Variants in LRRC4C observed in about 807,000 individuals in gnomAD.
The protein encoded by LRRC4C is leucine rich repeat containing 4C.
A neutral mutation model predicts 33.6 loss-of-function variants in LRRC4C; 5 were observed. That is an observed-to-expected ratio of 0.15 (90% CI 0.08 to 0.31). The LOEUF (loss-of-function observed/expected upper bound fraction) is 0.31, where lower values mean the gene tolerates loss of function less well. Among genes scored for constraint, LRRC4C ranks in the 10% least tolerant of loss-of-function variants. LRRC4C has a pLI of 1.00. For missense variants in LRRC4C, 560 were observed against 796.7 expected (o/e 0.70, Z 3.58); for synonymous variants, 329 against 302.0 (o/e 1.09, Z -0.93).
chr11:41,448,464 C>A (rs113151882), intron 1 of LRRC4C, among the ~76,000 whole-genome samples: 3 of 151,728 alleles, frequency 2.0e-5, no homozygotes, highest in Admixed American at 6.6e-5. Flanking sequence ...TGCCACCATG[C>A]CTGGCTAATT....
intron 1 of LRRC4C, among the ~76,000 whole-genome samples, chr11:40,964,025 G>GT (rs555115509): frequency 2.4e-4 from 36 of 149,894 alleles, no homozygotes; most frequent in South Asian, 4.2e-4. Context: ...TCTATGCCTT[G>GT]TTTTTTTTTC....
At chr11:41,054,252 G>A (rs1858457258) in intron 1 of LRRC4C, among the ~76,000 whole-genome samples, 1 of 152,142 alleles carries the variant, frequency 6.6e-6, no homozygotes, top group Admixed American at 6.5e-5. Context: ...TTATATCTAT[G>A]AAGTGAATAG....
chr11:40,152,940 C>T (rs1353839836), intron 5 of LRRC4C, among the ~76,000 whole-genome samples: 1 of 152,154 alleles, frequency 6.6e-6, no homozygotes, highest in African/African-American at 2.4e-5. Flanking sequence ...ACTACCACAG[C>T]TGCTGCTTTC....
In LRRC4C at chr11:40,844,143, C is replaced by T. The variant is rs1171627157; in HGVS notation, c.-407+89492G>A. ...GTAGATGGTTGTACCTTTAAAAATA[C>T]AGCAATTGAACTAGTTTACAGTCAT... On this transcript the variant is annotated intron_variant, in intron 2 of 6. Transcript: ENST00000528697. Among the ~76,000 whole-genome samples, 5 of 151,320 alleles carry T rather than the reference C, an allele frequency of 3.3e-5. No individual in the cohort carries two copies. In the East Asian group the frequency reaches 9.8e-4, roughly 30 times the overall value.
At chr11:41,201,585 G>C (rs1426070968) in intron 1 of LRRC4C, among the ~76,000 whole-genome samples, 1 of 152,132 alleles carries the variant, frequency 6.6e-6, no homozygotes, top group Admixed American at 6.6e-5. Context: ...TGTGTGAATT[G>C]TCTCCTGAGA....
intron 1 of LRRC4C, among the ~76,000 whole-genome samples, chr11:41,264,934 CA>C (rs1417902562): frequency 6.6e-6 from 1 of 152,122 alleles, no homozygotes; most frequent in African/African-American, 2.4e-5. Context: ...TGTGTCAGAA[CA>C]GGGCCTAGAA....
At position 41,311,176 on chromosome 11, in the gene LRRC4C, G is replaced by A. The variant is rs1365772582; in HGVS notation, c.-496+148255C>T. On this transcript the variant is annotated intron_variant, in intron 1 of 6. Transcript: ENST00000528697. ...TGACAACAGGCAGTGAAGCTATGCC[G>A]TGCATTAGAACCACATTTTTTTTTA... 2.0e-5 allele frequency among the ~76,000 whole-genome samples: 3 copies of A among 152,224 alleles called. No homozygotes were observed. The East Asian group carries it at 5.8e-4, about 29-fold the overall frequency.
chr11:40,517,310 T>G (rs1349705251), intron 3 of LRRC4C, among the ~76,000 whole-genome samples: 1 of 152,144 alleles, frequency 6.6e-6, no homozygotes, highest in Non-Finnish European at 1.5e-5. Context: ...AATCGATGAC[T>G]TTTCCAGTGT....
intron 5 of LRRC4C, among the ~76,000 whole-genome samples, chr11:40,160,820 A>G (rs895821694): frequency 6.6e-6 from 1 of 152,164 alleles, no homozygotes; most frequent in Non-Finnish European, 1.5e-5. Context: ...TTCCCTAACC[A>G]TGATGCAGCA....
intron 3 of LRRC4C, among the ~76,000 whole-genome samples, chr11:40,551,222 T>C (rs1957116004): frequency 6.6e-6 from 1 of 152,040 alleles, no homozygotes; most frequent in African/African-American, 2.4e-5. Flanking sequence ...GAATTCAGAA[T>C]TTAAGAGATA....
intron 3 of LRRC4C, among the ~76,000 whole-genome samples, chr11:40,362,735 A>G (rs1948015144): frequency 6.6e-6 from 1 of 152,130 alleles, no homozygotes; most frequent in Non-Finnish European, 1.5e-5. Context: ...TAACCAATCA[A>G]TCAATAAATC....
chr11:40,660,914 G>A (rs1036703443), intron 2 of LRRC4C, among the ~76,000 whole-genome samples: 5 of 152,120 alleles, frequency 3.3e-5, no homozygotes, highest in African/African-American at 1.2e-4. Flanking sequence ...AAATTTAATA[G>A]AGGATCATGA....
intron 3 of LRRC4C, among the ~76,000 whole-genome samples, chr11:40,328,206 A>T (rs778999804): frequency 3.9e-5 from 6 of 152,188 alleles, no homozygotes; most frequent in Non-Finnish European, 8.8e-5. Context: ...TCTATGCCAC[A>T]GTATTTTTAT....
At chr11:41,411,585 T>C (rs192168491) in intron 1 of LRRC4C, among the ~76,000 whole-genome samples, 1 of 152,302 alleles carries the variant, frequency 6.6e-6, no homozygotes, top group African/African-American at 2.4e-5. Context: ...AAGATTCTAT[T>C]CTGAAACCTC....
intron 3 of LRRC4C, among the ~76,000 whole-genome samples, chr11:40,631,953 T>A (rs2136024008): frequency 6.6e-6 from 1 of 152,286 alleles, no homozygotes; most frequent in Non-Finnish European, 1.5e-5. Context: ...TACCAAATAT[T>A]TCCTAAATGT....
intron 2 of LRRC4C, among the ~76,000 whole-genome samples, chr11:40,836,466 G>A (rs1952671757): frequency 1.3e-5 from 2 of 152,076 alleles, no homozygotes; most frequent in Non-Finnish European, 2.9e-5. Context: ...TTATAGAATT[G>A]ATCTTATGCA....
intron 4 of LRRC4C, among the ~76,000 whole-genome samples, chr11:40,251,835 G>C (rs999876213): frequency 1.3e-5 from 2 of 152,130 alleles, no homozygotes; most frequent in African/African-American, 4.8e-5. Flanking sequence ...ATTTTGTGTT[G>C]TGACACAGCA....
chr11:41,266,979 A>T (rs539343310), intron 1 of LRRC4C, among the ~76,000 whole-genome samples: 3 of 152,174 alleles, frequency 2.0e-5, no homozygotes, highest in Non-Finnish European at 4.4e-5. Context: ...ACAAGGCAAT[A>T]TACAAAACTG....
intron 1 of LRRC4C, among the ~76,000 whole-genome samples, chr11:41,445,985 TA>T (rs1217257364): frequency 6.6e-6 from 1 of 152,062 alleles, no homozygotes; most frequent in African/African-American, 2.4e-5. Context: ...ACATTACTTA[TA>T]AAATTCAGTG....
Sources: gnomAD v4.1 joint callset for allele counts (sites outside exome capture counted in the v4.1 genomes callset) on GRCh38, gnomAD v4.1.1 for gene constraint, MANE v1.5 for transcripts, NCBI Gene and HGNC (gene_info 2026-07-23, HGNC 2026-07-21) for gene names.